Variants in ZC3H18 observed in about 807,000 individuals in gnomAD.
ZC3H18 encodes zinc finger CCCH domain-containing protein 18.
Under a neutral mutation model 106.1 loss-of-function variants are expected in ZC3H18, and 8 were observed. That is an observed-to-expected ratio of 0.08 (90% CI 0.04 to 0.14). The LOEUF (loss-of-function observed/expected upper bound fraction) is 0.14, where lower values mean the gene tolerates loss of function less well. ZC3H18 is among the 10% of genes least tolerant of loss of function. The pLI, the probability that ZC3H18 is intolerant of heterozygous loss-of-function variation, is 1.00. For missense variants in ZC3H18, 1,318 were observed against 1,278.4 expected (o/e 1.03, Z -0.47); for synonymous variants, 635 against 522.1 (o/e 1.22, Z -2.95).
At chr16:88,574,855 A>G (rs889675657) in intron 1 of ZC3H18, among the ~76,000 whole-genome samples, 3 of 134,954 alleles carry the variant, frequency 2.2e-5, no homozygotes, top group Admixed American at 7.6e-5. Context: ...TTTGAGACGG[A>G]GTCTCGCTCT....
Position 88,622,307 on chromosome 16 carries a change from T to C in ZC3H18, c.1586T>C (p.Leu529Pro). The C allele has an allele frequency of 6.2e-7, 1 of 1,613,890 alleles. No homozygotes were observed. The highest frequency in any genetic ancestry group is 8.5e-7 in the Non-Finnish European group (1 of 1,179,920). The change falls in exon 9 of 18, where the codon CTC (leucine) becomes CCC (proline). Residue 529 changes from leucine (L) to proline (P), a missense_variant. By Grantham distance (98) the Leu-to-Pro change is moderately conservative. Around this residue, in one of 6 missense-constraint regions of ZC3H18, gnomAD observed 848 missense variants for 821.7 expected, o/e 1.03. Transcript: ENST00000301011. The stretch of plus-strand genomic sequence containing the variant: ...CGATCCAAGTCTCCCAAGAAGAAAC[T>C]CGGGGTGTCGGTCTCCCCGAGCCGG... ...WRRSKSPKKK[L>P]GVSVSPSRAR... is the part of the protein sequence containing the mutation.
At chr16:88,622,137 C>G in intron 8 of ZC3H18, 60 bp from the exon 9 acceptor site, 1 of 1,536,770 alleles carries the variant, frequency 6.5e-7, no homozygotes, top group Non-Finnish European at 8.8e-7. Flanking sequence ...TGCTGTCACA[C>G]CTGGCATTGC....
intron 3 of ZC3H18, among the ~76,000 whole-genome samples, chr16:88,592,447 ATATT>A (rs1389662458): frequency 2.0e-5 from 3 of 151,984 alleles, no homozygotes; most frequent in East Asian, 1.9e-4. Flanking sequence ...GGTCAAAACT[ATATT>A]TATTTATTTT....
chr16:88,576,404 C>T (rs545769148), intron 1 of ZC3H18, among the ~76,000 whole-genome samples: 1 of 152,250 alleles, frequency 6.6e-6, no homozygotes, highest in South Asian at 2.1e-4. Flanking sequence ...GAGTTCTTTT[C>T]GACAGCAGCT....
intron 3 of ZC3H18, among the ~76,000 whole-genome samples, chr16:88,595,474 C>CTTTTTTTTTTTTTTTT (rs11302563): frequency 7.5e-6 from 1 of 133,570 alleles, no homozygotes. Flanking sequence ...TTCTTTCTTT[C>CTTTTTTTTTTTTTTTT]TTTTTTTTTT....
At position 88,622,242 on chromosome 16, in the gene ZC3H18, G is replaced by A. The variant is rs370135967; in HGVS notation, c.1521G>A (p.Pro507=). The A allele has an allele frequency of 1.1e-5, 17 of 1,612,996 alleles. No individual in the cohort carries two copies. The highest frequency in any genetic ancestry group is 5.5e-5 in the South Asian group (5 of 90,926). Residue 507 remains proline, a synonymous_variant, in exon 9 of 18, where the codon CCG becomes CCA. Coordinates refer to ENST00000301011, the MANE Select transcript of ZC3H18 (RefSeq NM_144604.4). ...PPKKEAATTG[P]QVKRADEWKD... Reference sequence around the variant, plus strand: ...AGAAGGAGGCTGCCACCACGGGGCCGCAGGTGAAGAGAGCAGATGAGTGGA... The same window carrying A: ...AGAAGGAGGCTGCCACCACGGGGCCACAGGTGAAGAGAGCAGATGAGTGGA...
intron 10 of ZC3H18, 93 bp downstream of exon 10, chr16:88,623,437 T>C: frequency 6.6e-7 from 1 of 1,524,952 alleles, no homozygotes; most frequent in Non-Finnish European, 8.8e-7. Flanking sequence ...AGTAGCCCCT[T>C]GGGGTATTGA....
At position 88,611,386 on chromosome 16, in the gene ZC3H18, G is replaced by C. The variant is rs749996866; in HGVS notation, c.1325G>C (p.Arg442Pro). The change falls in exon 8 of 18, where the codon CGC becomes CCC. Residue 442 changes from arginine to proline, a missense_variant. This residue lies in a region of ZC3H18 where 848 missense variants were observed against 821.7 expected (regional missense o/e 1.03). Coordinates refer to ENST00000301011, the MANE Select transcript of ZC3H18 (RefSeq NM_144604.4). Reference protein sequence around the residue: ...RERERERERERDKERQRRKEE... With the variant: ...REREREREREPDKERQRRKEE... ...CGCGAGCGAGAGCGGGAGCGCGAGC[G>C]CGACAAGGAGCGGCAGCGGAGGAAG... 3.5e-6 allele frequency: 4 copies of C among 1,137,728 alleles called. No individual in the cohort carries two copies. The South Asian group carries it at 5.3e-5, about 15-fold the overall frequency. 70.5% of individuals were successfully genotyped at this position (1,137,728 alleles called of 1,614,324 possible). A position where few individuals can be genotyped will look rare whatever the true frequency, so the allele number is the denominator to read the frequency against.
intron 6 of ZC3H18, 74 bp downstream of exon 6, chr16:88,600,022 C>A: frequency 6.5e-7 from 1 of 1,548,088 alleles, no homozygotes; most frequent in Non-Finnish European, 8.7e-7. Context: ...CAGCCATGTG[C>A]AGGGCCCCAG....
intron 3 of ZC3H18, among the ~76,000 whole-genome samples, chr16:88,597,187 G>T (rs191209163): frequency 6.6e-6 from 1 of 152,056 alleles, no homozygotes; most frequent in Non-Finnish European, 1.5e-5. Flanking sequence ...TCCCAACTTC[G>T]TTTGACTTAT....
intron 3 of ZC3H18, among the ~76,000 whole-genome samples, chr16:88,597,685 T>G (rs771175191): frequency 1.3e-5 from 2 of 152,088 alleles, no homozygotes; most frequent in South Asian, 4.1e-4. Context: ...CCTGTGAGAG[T>G]TTTCTCTGTG....
chr16:88,607,051 G>GCCCCGCCAGGAGTTTAGAGCAGGC (rs1279977152), intron 6 of ZC3H18, among the ~76,000 whole-genome samples: 1 of 152,142 alleles, frequency 6.6e-6, no homozygotes, highest in East Asian at 1.9e-4. Context: ...AGAGTTGTGG[G>GCCCCGCCAGGAGTTTAGAGCAGGC]CCCCGCCAGG....
intron 7 of ZC3H18, 108 bp downstream of exon 7, chr16:88,609,159 C>T: frequency 1.2e-6 from 1 of 830,558 alleles, no homozygotes; most frequent in South Asian, 2.4e-5. Context: ...CTTATAGAGC[C>T]AGCACAATGT....
At position 88,611,471 on chromosome 16, in the gene ZC3H18, C is replaced by T. The variant is rs781369563; in HGVS notation, c.1410C>T (p.Arg470=). ...AGAAGGACCGGCAGCACCGTGACCG[C>T]GACCGGGAGAAGGAGCGGGAGAAGG... ...RDEKDRQHRD[R]DREKEREKEK... The change falls in exon 8 of 18, where the codon CGC becomes CGT. Residue 470 remains arginine (R), a synonymous_variant. Coordinates refer to ENST00000301011, the MANE Select transcript of ZC3H18 (RefSeq NM_144604.4). 1.4e-5 allele frequency: 22 copies of T among 1,549,304 alleles called. No individual in the cohort carries two copies. The highest frequency in any genetic ancestry group is 7.1e-5 in the South Asian group (6 of 84,014).
intron 10 of ZC3H18, 97 bp from the exon 11 acceptor site, chr16:88,623,861 G>A (rs1377587747): frequency 4.7e-6 from 7 of 1,484,792 alleles, no homozygotes; most frequent in East Asian, 2.3e-5. Context: ...ATGGAAATTC[G>A]TGGCCTTCTC....
chr16:88,577,375 G>A lies in ZC3H18; in HGVS notation c.252G>A (p.Glu84=). 6.3e-7 allele frequency: 1 copy of A among 1,597,912 alleles called. No homozygotes were observed. The highest frequency in any genetic ancestry group is 8.5e-7 in the Non-Finnish European group (1 of 1,170,296). The change falls in exon 2 of 18, where the codon GAG becomes GAA. Residue 84 remains glutamate (E), a synonymous_variant. Transcript: ENST00000301011. The part of the protein sequence containing the change: ...SEPKSQDQDS[E]VNELSRGPTS... The stretch of plus-strand genomic sequence containing the variant: ...CTAAATCCCAAGACCAGGACTCAGA[G>A]GTGAATGAGCTGAGCCGGGGCCCGA...
At chr16:88,610,722 TA>T (rs1297581735) in intron 7 of ZC3H18, among the ~76,000 whole-genome samples, 1 of 152,246 alleles carries the variant, frequency 6.6e-6, no homozygotes, top group Non-Finnish European at 1.5e-5. Context: ...AGGATTGTAC[TA>T]GAAGAAGAGG....
chr16:88,622,864 G>A, intron 9 of ZC3H18: 1 of 321,532 alleles, frequency 3.1e-6, no homozygotes, highest in South Asian at 3.2e-5. Context: ...AGGTGTGGGT[G>A]GGAGGCCAGG....
intron 2 of ZC3H18, among the ~76,000 whole-genome samples, 170 bp from the exon 3 acceptor site, chr16:88,586,430 T>A (rs73262304): frequency 1.3e-3 from 202 of 152,310 alleles, no homozygotes; most frequent in African/African-American, 4.7e-3. Context: ...CACGCTCTGA[T>A]CATCCCTGCT....
Sources: gnomAD v4.1 joint callset for allele counts (sites outside exome capture counted in the v4.1 genomes callset) on GRCh38, gnomAD v4.1.1 for gene constraint, gnomAD v4.1.1 regional missense constraint, MANE v1.5 for transcripts, NCBI Gene and HGNC (gene_info 2026-07-23, HGNC 2026-07-21) for gene names.